The following SOCS2 variants were observed in gnomAD, a reference collection of about 807,000 sequenced individuals.
SOCS2 encodes the protein suppressor of cytokine signaling 2, also known as CIS-2.
SOCS2 carries 10 observed loss-of-function variants against 18.6 expected under a neutral mutation model. The observed-to-expected ratio is 0.54, with a 90% CI of 0.33 to 0.91. The LOEUF is 0.91. Ranked by LOEUF, SOCS2 falls within the 40% of genes least tolerant of loss-of-function variation. The pLI is 0.02. For synonymous variants in SOCS2, 104 were observed against 104.0 expected, an observed-to-expected ratio of 1.00 and a Z score of 0.00; for missense variants, 231 against 247.2, an observed-to-expected ratio of 0.93 and a Z score of 0.44.
the SOCS2 span, among the ~76,000 whole-genome samples, chr12:93,599,505 G>A: frequency 6.6e-6 from 1 of 152,056 alleles, no homozygotes; most frequent in Non-Finnish European, 1.5e-5. Context: ...CATATTCCAG[G>A]TAAACAATCC....
the SOCS2 span, among the ~76,000 whole-genome samples, chr12:93,624,014 C>T: frequency 4.5e-3 from 690 of 152,256 alleles, 3 homozygotes; most frequent in Non-Finnish European, 7.1e-3. Context: ...TGAGCCACTG[C>T]GCCTGGTCTT....
chr12:93,623,526 G>A, the SOCS2 span, among the ~76,000 whole-genome samples: 21 of 151,934 alleles, frequency 1.4e-4, no homozygotes, highest in African/African-American at 3.4e-4. Flanking sequence ...GTGCTGCACC[G>A]GGAAGTTCTT....
At chr12:93,579,461 TA>T, downstream of SOCS2, among the ~76,000 whole-genome samples, 1 of 152,262 alleles carries the variant, frequency 6.6e-6, no homozygotes, top group African/African-American at 2.4e-5. Context: ...ATTTTTTTTT[TA>T]AATCTACTTA....
At chr12:93,601,196 C>T in the SOCS2 span, among the ~76,000 whole-genome samples, 2 of 151,206 alleles carry the variant, frequency 1.3e-5, no homozygotes, top group Non-Finnish European at 2.9e-5. Flanking sequence ...TTGTATCCAG[C>T]GACCTTTCTG....
chr12:93,587,282 G>A (rs1053678501), downstream of SOCS2, among the ~76,000 whole-genome samples: 4 of 152,326 alleles, frequency 2.6e-5, no homozygotes, highest in Non-Finnish European at 1.5e-5. Context: ...TGGCTGCAAC[G>A]GAGGTCTCTG....
In SOCS2 at chr12:93,575,125, G is replaced by A. The variant is rs1954424666; in HGVS notation, c.543G>A (p.Leu181=). The change falls in exon 2 of 2, where the codon CTG becomes CTA. Residue 181 remains leucine (L), a synonymous_variant. Coordinates refer to ENST00000551556, the MANE Select transcript of SOCS2 (RefSeq NM_001270471.2). ...AATGTACCGGTGCCATCTGGGGACTGCCTTTACCAACAAGACTAAAAGATT... is the reference window on the plus strand; with the variant it reads ...AATGTACCGGTGCCATCTGGGGACTACCTTTACCAACAAGACTAAAAGATT... The part of the protein sequence containing the change: ...INKCTGAIWG[L]PLPTRLKDYL... The A allele has an allele frequency of 1.3e-6, 2 of 1,585,760 alleles. No individual in the cohort carries two copies. The highest frequency in any genetic ancestry group is 1.7e-6 in the Non-Finnish European group (2 of 1,171,396).
rs373795318 is a variant in SOCS2 at position 93,575,399 on chromosome 12, C to CCAAGA, written c.*222_*226dup. 240 of 328,932 alleles carry CCAAGA rather than the reference C, an allele frequency of 7.3e-4. No individual in the cohort carries two copies. Among genetic ancestry groups the CCAAGA allele is most frequent in the African/African-American group, 4.2e-3 (199 of 47,184 alleles). 20.4% of individuals were successfully genotyped at this position (328,932 alleles called of 1,614,324 possible). A position where few individuals can be genotyped will look rare whatever the true frequency, so the allele number is the denominator to read the frequency against. On this transcript the variant is annotated 3_prime_UTR_variant, in exon 2 of 2. Transcript: ENST00000551556. Reference sequence around the variant, plus strand: ...GTGATGCTTCCCTTCCTAAGGCTGACCAAGACCTGTTGATCCTTTTAGATT... The same window carrying CCAAGA: ...GTGATGCTTCCCTTCCTAAGGCTGACCAAGACAAGACCTGTTGATCCTTTTAGATT...
chr12:93,585,731 A>G (rs471902), downstream of SOCS2, among the ~76,000 whole-genome samples: 10 of 152,172 alleles, frequency 6.6e-5, no homozygotes, highest in African/African-American at 2.2e-4. Flanking sequence ...CGTGTAAGCC[A>G]AAAGGAAAGA....
At chr12:93,580,101 A>C (rs1954518166), downstream of SOCS2, among the ~76,000 whole-genome samples, 1 of 152,196 alleles carries the variant, frequency 6.6e-6, no homozygotes, top group Non-Finnish European at 1.5e-5. Flanking sequence ...CATAAATGCC[A>C]CCCAAGGAGC....
At chr12:93,614,428 TCCCTTCCTTC>T in the SOCS2 span, among the ~76,000 whole-genome samples, 1 of 75,412 alleles carries the variant, frequency 1.3e-5, no homozygotes, top group African/African-American at 7.1e-5. Flanking sequence ...TTCCTTTCTT[TCCCTTCCTTC>T]CTTCCTTCCT....
At chr12:93,574,124 G>A (rs576095670) in intron 1 of SOCS2, 1 of 151,142 alleles carries the variant, frequency 6.6e-6, no homozygotes, top group Non-Finnish European at 1.5e-5. Flanking sequence ...AGAAGCTATT[G>A]TACTAGAGCT....
At chr12:93,582,052 T>C (rs1041280755) in intron 1 of SOCS2, among the ~76,000 whole-genome samples, 7 of 152,222 alleles carry the variant, frequency 4.6e-5, no homozygotes, top group African/African-American at 2.4e-5. Context: ...GAATAACTTA[T>C]TGTAAAATGC....
At chr12:93,597,494 T>G in the SOCS2 span, among the ~76,000 whole-genome samples, 1 of 152,146 alleles carries the variant, frequency 6.6e-6, no homozygotes, top group African/African-American at 2.4e-5. Context: ...TTCTGTATTT[T>G]CAGTAGAGAT....
chr12:93,618,869 G>C, the SOCS2 span, among the ~76,000 whole-genome samples: 1 of 152,178 alleles, frequency 6.6e-6, no homozygotes, highest in African/African-American at 2.4e-5. Context: ...TACCAGCAAG[G>C]CGTCTCACTA....
chr12:93,626,020 A>G, the SOCS2 span, among the ~76,000 whole-genome samples: 1 of 152,120 alleles, frequency 6.6e-6, no homozygotes, highest in African/African-American at 2.4e-5. Context: ...AACAGAAGCA[A>G]TTGGGACCCA....
the SOCS2 span, among the ~76,000 whole-genome samples, chr12:93,595,184 AG>A: frequency 6.6e-6 from 1 of 152,176 alleles, no homozygotes. Context: ...AAATATGCTC[AG>A]CTTTTTCTTT....
chr12:93,586,085 G>T (rs1302683803), downstream of SOCS2, among the ~76,000 whole-genome samples: 2 of 151,830 alleles, frequency 1.3e-5, no homozygotes, highest in South Asian at 4.2e-4. Flanking sequence ...TTCTGTGGTT[G>T]GTTGGATCCG....
downstream of SOCS2, among the ~76,000 whole-genome samples, chr12:93,581,202 A>T (rs1954534886): frequency 6.6e-6 from 1 of 152,248 alleles, no homozygotes; most frequent in African/African-American, 2.4e-5. Flanking sequence ...TGAATCAGCC[A>T]TGGTGGGAGT....
At chr12:93,614,404 T>C in the SOCS2 span, among the ~76,000 whole-genome samples, 86 of 139,028 alleles carry the variant, frequency 6.2e-4, no homozygotes, top group South Asian at 9.4e-4. Context: ...TTTCTTTCTT[T>C]CTTTCTTTCT....
Sources: gnomAD v4.1 joint callset for allele counts (sites outside exome capture counted in the v4.1 genomes callset) on GRCh38, gnomAD v4.1.1 for gene constraint, MANE v1.5 for transcripts, NCBI Gene and HGNC (gene_info 2026-07-23, HGNC 2026-07-21) for gene names.